Variants in BABAM2 observed in about 807,000 individuals in gnomAD.
The protein encoded by BABAM2 is BRISC and BRCA1 A complex member 2.
Under a neutral mutation model 54.7 loss-of-function variants are expected in BABAM2, and 31 were observed. The ratio of observed to expected loss-of-function variants is 0.57; its 90% CI spans 0.43 to 0.77. The LOEUF is 0.77. Ranked by LOEUF, BABAM2 falls within the 30% of genes least tolerant of loss-of-function variation. The probability of loss-of-function intolerance (pLI) is 0.00; values close to 1 mark genes in which losing one functional copy is unlikely to be tolerated. For missense variants in BABAM2, 364 were observed against 455.8 expected (o/e 0.80, Z 1.83); for synonymous variants, 167 against 162.9 (o/e 1.03, Z -0.19).
At chr2:27,894,220 C>T (rs1383965800) in intron 1 of BABAM2, among the ~76,000 whole-genome samples, 1 of 151,944 alleles carries the variant, frequency 6.6e-6, no homozygotes, top group Non-Finnish European at 1.5e-5. Context: ...TAAGGTAGAA[C>T]GAGTGAGATA....
chr2:28,254,172 G>A (rs1213576100), intron 10 of BABAM2, among the ~76,000 whole-genome samples: 1 of 152,190 alleles, frequency 6.6e-6, no homozygotes, highest in Admixed American at 6.5e-5. Flanking sequence ...GTGGCAAACT[G>A]CACACTCCTT....
chr2:28,129,218 A>G, intron 6 of BABAM2, 53 bp from the exon 7 acceptor site: 43 of 1,498,388 alleles, frequency 2.9e-5, no homozygotes, highest in Non-Finnish European at 3.8e-5. Context: ...CTTGACACTA[A>G]TAAGATGTTA....
At chr2:28,023,807 A>G (rs565904441) in intron 4 of BABAM2, among the ~76,000 whole-genome samples, 9 of 152,288 alleles carry the variant, frequency 5.9e-5, no homozygotes, top group South Asian at 4.1e-4. Context: ...GGTAGAAGCT[A>G]TGCTTGGTTT....
chr2:28,258,906 A>C (rs1684234879), intron 10 of BABAM2, among the ~76,000 whole-genome samples: 1 of 151,146 alleles, frequency 6.6e-6, no homozygotes, highest in Non-Finnish European at 1.5e-5. Context: ...CCTCCCGAGT[A>C]GCTGGGACTA....
chr2:28,043,322 G>C (rs1261918906), intron 5 of BABAM2, among the ~76,000 whole-genome samples: 1 of 151,852 alleles, frequency 6.6e-6, no homozygotes, highest in Non-Finnish European at 1.5e-5. Context: ...GTAGAGACGG[G>C]GTTTCACCAT....
intron 7 of BABAM2, among the ~76,000 whole-genome samples, chr2:28,173,340 C>A (rs920534587): frequency 6.6e-6 from 1 of 152,186 alleles, no homozygotes; most frequent in Non-Finnish European, 1.5e-5. Context: ...CCATTTGGTG[C>A]ATACAATTTA....
At chr2:28,240,243 C>A (rs939075242) in intron 8 of BABAM2, among the ~76,000 whole-genome samples, 2 of 151,830 alleles carry the variant, frequency 1.3e-5, no homozygotes, top group African/African-American at 4.8e-5. Context: ...GCCTCAGGCT[C>A]CCGAGTAGCT....
intron 2 of BABAM2, among the ~76,000 whole-genome samples, chr2:27,925,185 A>G (rs1257204572): frequency 6.6e-6 from 1 of 152,212 alleles, no homozygotes; most frequent in African/African-American, 2.4e-5. Flanking sequence ...CATAAAACAC[A>G]AAGGTGAGGT....
At chr2:28,026,914 A>ATAT in intron 5 of BABAM2, among the ~76,000 whole-genome samples, 1 of 46,696 alleles carries the variant, frequency 2.1e-5, no homozygotes, top group African/African-American at 6.9e-5. Flanking sequence ...ATAAATATAT[A>ATAT]TTAATATATA....
intron 2 of BABAM2, among the ~76,000 whole-genome samples, chr2:27,916,644 G>A (rs945977817): frequency 6.6e-6 from 1 of 152,162 alleles, no homozygotes; most frequent in Non-Finnish European, 1.5e-5. Flanking sequence ...AGAGTTTTCA[G>A]TCTAGCAGTG....
chr2:27,993,248 C>T (rs1475763376), intron 4 of BABAM2, among the ~76,000 whole-genome samples: 2 of 152,120 alleles, frequency 1.3e-5, no homozygotes, highest in Non-Finnish European at 2.9e-5. Context: ...TTGTTCACTG[C>T]TATATCCTGG....
chr2:28,298,232 G>T, intron 10 of BABAM2, 106 bp from the exon 11 acceptor site: 1 of 1,181,128 alleles, frequency 8.5e-7, no homozygotes, highest in Non-Finnish European at 1.2e-6. Context: ...AGCAGTATTT[G>T]TGGTTCAAAT....
intron 7 of BABAM2, among the ~76,000 whole-genome samples, chr2:28,131,361 G>A (rs62140455): frequency 0.44 from 23,408 of 53,512 alleles, 5,601 homozygotes; most frequent in Middle Eastern, 0.63. Context: ...GATTACAGGC[G>A]TGAGCCACCG....
chr2:28,269,469 C>A (rs1261638404), intron 10 of BABAM2, among the ~76,000 whole-genome samples: 1 of 152,168 alleles, frequency 6.6e-6, no homozygotes, highest in Admixed American at 6.6e-5. Flanking sequence ...TTTATTGCAA[C>A]CCAGATAGTT....
intron 7 of BABAM2, among the ~76,000 whole-genome samples, chr2:28,155,538 T>G (rs1672467293): frequency 6.6e-6 from 1 of 152,142 alleles, no homozygotes; most frequent in South Asian, 2.1e-4. Flanking sequence ...GTGACTGAGC[T>G]AAAAGTGCTG....
rs573104228 is a variant in BABAM2 at position 28,323,196 on chromosome 2, G to A, written c.1089-15254G>A. ...AGGAACCAGCCCATTACTAGCACAG[G>A]AGTGGCCCATGAGTGTGTGAATATT... is the stretch of plus-strand genomic sequence containing the variant. On this transcript the variant is annotated intron_variant, in intron 11 of 11. Transcript: ENST00000379624. Among the ~76,000 whole-genome samples, 5 of 152,346 alleles carry A rather than the reference G, an allele frequency of 3.3e-5. No homozygotes were observed. The South Asian group carries it at 1.0e-3, about 32-fold the overall frequency.
intron 6 of BABAM2, among the ~76,000 whole-genome samples, chr2:28,109,521 A>G (rs116024027): frequency 0.017 from 2,567 of 152,100 alleles, 65 homozygotes; most frequent in African/African-American, 0.057. Flanking sequence ...TTTGATCCCT[A>G]CTTCTCACAA....
chr2:28,089,184 T>C (rs1558324568), intron 6 of BABAM2, among the ~76,000 whole-genome samples: 1 of 152,158 alleles, frequency 6.6e-6, no homozygotes, highest in East Asian at 1.9e-4. Context: ...TTGACATGAA[T>C]ATATTGACTA....
At chr2:28,253,010 A>G (rs757906134) in intron 10 of BABAM2, among the ~76,000 whole-genome samples, 10 of 152,190 alleles carry the variant, frequency 6.6e-5, no homozygotes, top group Admixed American at 3.3e-4. Context: ...TCTTAGAATT[A>G]ATATTAAAGT....
Sources: allele counts gnomAD v4.1 joint callset (sites outside exome capture counted in the v4.1 genomes callset), GRCh38; gene constraint gnomAD v4.1.1; transcripts MANE v1.5; gene names NCBI Gene and HGNC (gene_info 2026-07-23, HGNC 2026-07-21).